The following CLUL1 variants were observed in gnomAD, a reference collection of about 807,000 sequenced individuals.
CLUL1 encodes the protein clusterin-like protein 1.
CLUL1 carries 43 observed loss-of-function variants against 49.4 expected under a neutral mutation model. The observed-to-expected ratio is 0.87, with a 90% CI of 0.68 to 1.12. CLUL1 has a LOEUF of 1.12. CLUL1 is among the 50% of genes most tolerant of loss of function. The pLI is 0.00. For missense variants in CLUL1, 486 were observed against 544.4 expected (o/e 0.89, Z 1.07); for synonymous variants, 192 against 184.9 (o/e 1.04, Z -0.31).
chr18:629,111 T>C (rs2073909655), intron 6 of CLUL1, among the ~76,000 whole-genome samples: 2 of 152,204 alleles, frequency 1.3e-5, no homozygotes, highest in Admixed American at 6.5e-5. Context: ...GTGCATTACA[T>C]CCTTCAGGTG....
Position 650,117 on chromosome 18 carries a change from G to A in CLUL1, c.*216G>A, listed in dbSNP as rs904458554. 2.5e-5 allele frequency: 10 copies of A among 405,874 alleles called. No homozygotes were observed. The highest frequency in any genetic ancestry group is 6.6e-4 in the Middle Eastern group (1 of 1,522). The allele number at this position is 405,874 out of a possible 1,614,324, so 25.1% of individuals were successfully genotyped here. A position where few individuals can be genotyped will look rare whatever the true frequency, so the allele number is the denominator to read the frequency against. On this transcript the variant is annotated 3_prime_UTR_variant, in exon 10 of 10. Coordinates refer to ENST00000692774, the MANE Select transcript of CLUL1 (RefSeq NM_001393344.1). ...AAAATTCCTCCTTAAAAAATCAAACGTAATATGTATTACATTTCATGGTAC... is the reference window on the plus strand; with the variant it reads ...AAAATTCCTCCTTAAAAAATCAAACATAATATGTATTACATTTCATGGTAC...
intron 2 of CLUL1, among the ~76,000 whole-genome samples, chr18:612,411 C>G (rs2073161348): frequency 6.6e-6 from 1 of 152,204 alleles, no homozygotes; most frequent in Non-Finnish European, 1.5e-5. Context: ...GAGGCGTGCT[C>G]CTTGTCTTTC....
intron 1 of CLUL1, among the ~76,000 whole-genome samples, chr18:603,183 A>T (rs373363985): frequency 3.2e-4 from 49 of 152,320 alleles, no homozygotes; most frequent in African/African-American, 1.1e-3. Flanking sequence ...TCAGCTGGGA[A>T]CTTGTTAGAA....
In CLUL1 at chr18:618,379, A is replaced by G. The variant is rs1047807899; in HGVS notation, c.106+273A>G. Among the ~76,000 whole-genome samples, 2 of 152,126 alleles carry G rather than the reference A, an allele frequency of 1.3e-5. No homozygotes were observed. The highest frequency in any genetic ancestry group is 2.9e-5 in the Non-Finnish European group (2 of 68,030). On this transcript the variant is annotated intron_variant, in intron 3 of 9. Coordinates refer to ENST00000692774, the MANE Select transcript of CLUL1 (RefSeq NM_001393344.1). This position sits in a 1 kb window ranked among gnomAD's most constrained non-coding sequence, Gnocchi z 4.2. ...CACTGCATTTTTTTGTATCATCCAG[A>G]TGGTTGGTGTCATCTCAGCACAGCT...
intron 9 of CLUL1, among the ~76,000 whole-genome samples, chr18:646,958 C>A (rs1336192516): frequency 2.0e-5 from 3 of 152,060 alleles, no homozygotes; most frequent in African/African-American, 7.2e-5. Flanking sequence ...ACCATGTTGG[C>A]CAGGCTGGTC....
chr18:645,667 G>A (rs28428915), intron 9 of CLUL1, among the ~76,000 whole-genome samples: 20,699 of 148,192 alleles, frequency 0.14, 1,536 homozygotes, highest in Middle Eastern at 0.25. Context: ...GGTGGCGGGC[G>A]CCTGTAGTCC....
At chr18:645,228 A>C in intron 9 of CLUL1, 131 bp downstream of exon 9, 3 of 615,500 alleles carry the variant, frequency 4.9e-6, no homozygotes, top group Non-Finnish European at 7.7e-6. Context: ...GAAAACAAAC[A>C]AGATGGCATT....
At chr18:627,684 T>C (rs968890411) in intron 6 of CLUL1, 155 bp downstream of exon 6, 2 of 603,720 alleles carry the variant, frequency 3.3e-6, no homozygotes, top group Admixed American at 6.2e-5. Flanking sequence ...AAAGAAGCTT[T>C]GAAGTCTGCT....
chr18:597,791 A>C (rs953535210), intron 1 of CLUL1: 14 of 152,352 alleles, frequency 9.2e-5, no homozygotes, highest in African/African-American at 3.4e-4. Context: ...CATACAGTTT[A>C]TGGAATTATC....
intron 6 of CLUL1, among the ~76,000 whole-genome samples, chr18:630,672 C>CTTTTTTTTTTTT (rs36222515): frequency 4.8e-5 from 3 of 61,998 alleles, no homozygotes; most frequent in African/African-American, 2.2e-4. Flanking sequence ...CTACTGACAT[C>CTTTTTTTTTTTT]TTTTTTTTTT....
rs1410069555 is a variant in CLUL1, at chr18:641,521, A to T, written c.1189A>T (p.Ile397Phe). The T allele has an allele frequency of 6.2e-7, 1 of 1,614,054 alleles. No homozygotes were observed. The highest frequency in any genetic ancestry group is 1.3e-5 in the African/African-American group (1 of 74,948). Reference protein sequence around the residue: ...ELANQAPETEIIFNSIQVVPR... With the variant: ...ELANQAPETEFIFNSIQVVPR... Reference sequence around the variant, plus strand: ...GGCAAACCAGGCCCCAGAAACAGAGATCATCTTTAATTCAATACAGGTAAA... The same window carrying T: ...GGCAAACCAGGCCCCAGAAACAGAGTTCATCTTTAATTCAATACAGGTAAA... Residue 397 changes from isoleucine (I) to phenylalanine (F), a missense_variant, in exon 8 of 10, where the codon ATC becomes TTC. Coordinates refer to ENST00000692774, the MANE Select transcript of CLUL1 (RefSeq NM_001393344.1).
chr18:601,307 C>T (rs1190156012), intron 1 of CLUL1, among the ~76,000 whole-genome samples: 1 of 152,130 alleles, frequency 6.6e-6, no homozygotes, highest in Non-Finnish European at 1.5e-5. Flanking sequence ...CAAAATGAAC[C>T]TTTCCAGTGA....
At chr18:646,741 CTTTTTTCTTTCT>C (rs1240650372) in intron 9 of CLUL1, among the ~76,000 whole-genome samples, 56 of 150,752 alleles carry the variant, frequency 3.7e-4, no homozygotes, top group Non-Finnish European at 6.2e-4. Context: ...CCTTTCTTTC[CTTTTTTCTTTCT>C]TTCTTTTTTT....
chr18:639,294 G>A (rs1333966260), intron 7 of CLUL1, among the ~76,000 whole-genome samples: 2 of 151,776 alleles, frequency 1.3e-5, no homozygotes, highest in African/African-American at 4.8e-5. Context: ...AGCTGGTCAT[G>A]GTGGCGCGTG....
At chr18:621,283 A>G (rs2073481514) in intron 4 of CLUL1, among the ~76,000 whole-genome samples, 1 of 152,074 alleles carries the variant, frequency 6.6e-6, no homozygotes, top group African/African-American at 2.4e-5. Flanking sequence ...TGCTGCTTAC[A>G]TCTTTTTACT....
intron 7 of CLUL1, among the ~76,000 whole-genome samples, chr18:637,631 C>T (rs13381806): frequency 0.11 from 16,396 of 152,086 alleles, 1,114 homozygotes; most frequent in African/African-American, 0.18. Flanking sequence ...CCAGGTAGCT[C>T]TGATTACAAA....
intron 7 of CLUL1, among the ~76,000 whole-genome samples, chr18:636,533 T>C (rs1567973800): frequency 1.3e-5 from 2 of 151,466 alleles, no homozygotes; most frequent in African/African-American, 4.8e-5. Context: ...TTCAATTAAA[T>C]AAAAAAATGA....
chr18:638,430 A>G (rs1222060570), intron 7 of CLUL1, among the ~76,000 whole-genome samples: 1 of 152,272 alleles, frequency 6.6e-6, no homozygotes, highest in Non-Finnish European at 1.5e-5. Context: ...TGGACACAGT[A>G]TACATCAGAT....
rs139823541 is a variant in CLUL1 at position 630,519 on chromosome 18, G to A, written c.857-2779G>A. ...AGGCAGAAAAGAATTAATAGTAGCAGCCACAAGAGAAGGACTTGGCTCGAC... is the reference window on the plus strand; with the variant it reads ...AGGCAGAAAAGAATTAATAGTAGCAACCACAAGAGAAGGACTTGGCTCGAC... On this transcript the variant is annotated intron_variant, in intron 6 of 9. Transcript: ENST00000692774. Among the ~76,000 whole-genome samples the A allele has an allele frequency of 7.2e-5, 11 of 152,182 alleles. No homozygotes were observed. The East Asian group carries it at 2.1e-3, about 29-fold the overall frequency.
Sources: allele counts gnomAD v4.1 joint callset (sites outside exome capture counted in the v4.1 genomes callset), GRCh38; gene constraint gnomAD v4.1.1; non-coding constraint Gnocchi (gnomAD v3.1); transcripts MANE v1.5; gene names NCBI Gene and HGNC (gene_info 2026-07-23, HGNC 2026-07-21).